The following CFAP299 variants were observed in gnomAD, a reference collection of about 807,000 sequenced individuals.
CFAP299 encodes cilia- and flagella-associated protein 299.
A neutral mutation model predicts 27.0 loss-of-function variants in CFAP299; 21 were observed. That is an observed-to-expected ratio of 0.78 (90% CI 0.55 to 1.12). The LOEUF is 1.12. Among genes scored for constraint, CFAP299 ranks in the 50% most tolerant of loss-of-function variants. The pLI is 0.00. For missense variants in CFAP299, 310 were observed against 276.6 expected (o/e 1.12, Z -0.86); for synonymous variants, 104 against 98.1 (o/e 1.06, Z -0.36).
chr4:80,555,618 A>G (rs1480393173), intron 2 of CFAP299, among the ~76,000 whole-genome samples: 3 of 152,138 alleles, frequency 2.0e-5, no homozygotes, highest in East Asian at 1.9e-4. Context: ...CTGTAAGTCC[A>G]TCAGTTCCTG....
At chr4:80,690,423 C>G (rs1455506748) in intron 3 of CFAP299, among the ~76,000 whole-genome samples, 2 of 152,160 alleles carry the variant, frequency 1.3e-5, no homozygotes, top group Non-Finnish European at 2.9e-5. Context: ...GGAAACTGAA[C>G]AACCTGCTCC....
intron 2 of CFAP299, among the ~76,000 whole-genome samples, chr4:80,459,531 C>T (rs772394756): frequency 6.6e-6 from 1 of 152,314 alleles, no homozygotes. Context: ...AACTTTCACT[C>T]CTGCTCTAAA....
At chr4:80,365,156 C>G (rs1412541629) in intron 2 of CFAP299, among the ~76,000 whole-genome samples, 1 of 152,090 alleles carries the variant, frequency 6.6e-6, no homozygotes, top group African/African-American at 2.4e-5. Flanking sequence ...CTATTTCTGT[C>G]TCTAGGTCTT....
chr4:80,924,538 GTATATATATA>G (rs1553906748), intron 4 of CFAP299, among the ~76,000 whole-genome samples: 1 of 131,666 alleles, frequency 7.6e-6, no homozygotes, highest in Admixed American at 7.4e-5. Flanking sequence ...GTGTGTGTGT[GTATATATATA>G]TATATATATA....
At chr4:80,361,583 T>A (rs1723550826) in intron 1 of CFAP299, among the ~76,000 whole-genome samples, 1 of 152,204 alleles carries the variant, frequency 6.6e-6, no homozygotes, top group Non-Finnish European at 1.5e-5. Flanking sequence ...CAAGGGAGTG[T>A]CTCAGAAACA....
intron 4 of CFAP299, among the ~76,000 whole-genome samples, chr4:80,942,037 A>T (rs1014488927): frequency 6.6e-6 from 1 of 152,114 alleles, no homozygotes; most frequent in Non-Finnish European, 1.5e-5. Flanking sequence ...CAAATTTATC[A>T]TCTTCATCCA....
intron 2 of CFAP299, among the ~76,000 whole-genome samples, chr4:80,423,878 G>A (rs780563344): frequency 6.6e-6 from 1 of 152,172 alleles, no homozygotes; most frequent in East Asian, 1.9e-4. Flanking sequence ...AGCTGTCTGT[G>A]TTCCAAGGGA....
At chr4:80,585,209 G>A (rs1163797026) in intron 3 of CFAP299, among the ~76,000 whole-genome samples, 2 of 151,996 alleles carry the variant, frequency 1.3e-5, no homozygotes, top group Admixed American at 6.6e-5. Context: ...AAGAAAGAGG[G>A]TAGTCTTTGG....
intron 3 of CFAP299, among the ~76,000 whole-genome samples, chr4:80,848,612 TAAA>T (rs1264077364): frequency 2.0e-5 from 3 of 151,782 alleles, no homozygotes; most frequent in Admixed American, 1.3e-4. Context: ...CTCCAAATAC[TAAA>T]ACTAAAAATA....
At chr4:80,643,374 A>T (rs1417973850) in intron 3 of CFAP299, among the ~76,000 whole-genome samples, 1 of 152,166 alleles carries the variant, frequency 6.6e-6, no homozygotes, top group Non-Finnish European at 1.5e-5. Flanking sequence ...AGAAGGAATG[A>T]ATATGGACAA....
At chr4:80,468,762 G>A (rs1160164104) in intron 2 of CFAP299, among the ~76,000 whole-genome samples, 2 of 149,378 alleles carry the variant, frequency 1.3e-5, no homozygotes, top group Non-Finnish European at 3.0e-5. Flanking sequence ...TTGAACCCAG[G>A]AGGCAGAGGT....
At chr4:80,324,141 C>T in the CFAP299 span, among the ~76,000 whole-genome samples, 1 of 152,166 alleles carries the variant, frequency 6.6e-6, no homozygotes, top group Non-Finnish European at 1.5e-5. Context: ...CCCCTTGCCC[C>T]CAACCCCTCG....
chr4:80,488,403 A>G (rs1323466895), intron 2 of CFAP299, among the ~76,000 whole-genome samples: 1 of 152,012 alleles, frequency 6.6e-6, no homozygotes, highest in Non-Finnish European at 1.5e-5. Context: ...ATTATTCAAT[A>G]TTTCATACTA....
At chr4:80,800,869 G>A (rs1249943852) in intron 3 of CFAP299, among the ~76,000 whole-genome samples, 1 of 148,270 alleles carries the variant, frequency 6.7e-6, no homozygotes, top group East Asian at 2.0e-4. Flanking sequence ...GAGAGCTGAG[G>A]AGCAAGGAGA....
chr4:80,688,201 G>A (rs1720363705), intron 3 of CFAP299, among the ~76,000 whole-genome samples: 3 of 152,212 alleles, frequency 2.0e-5, no homozygotes, highest in Admixed American at 1.3e-4. Flanking sequence ...GCTCAAGGAG[G>A]CCTGCCTGCC....
intron 3 of CFAP299, among the ~76,000 whole-genome samples, chr4:80,757,198 T>C (rs1725285028): frequency 6.6e-6 from 1 of 152,142 alleles, no homozygotes; most frequent in Non-Finnish European, 1.5e-5. Context: ...GCTCTCTTCA[T>C]TAATTCACAT....
intron 3 of CFAP299, among the ~76,000 whole-genome samples, chr4:80,662,810 G>T (rs1454844350): frequency 6.6e-6 from 1 of 152,122 alleles, no homozygotes; most frequent in East Asian, 1.9e-4. Context: ...CTGGTCAGGG[G>T]CCAGCACTTT....
At chr4:80,577,653 G>A (rs751055243) in intron 2 of CFAP299, among the ~76,000 whole-genome samples, 11 of 151,836 alleles carry the variant, frequency 7.2e-5, no homozygotes, top group Non-Finnish European at 1.3e-4. Context: ...TGCACACCTC[G>A]GCCTCGCAAA....
At chr4:80,901,138 C>T (rs917350747) in intron 4 of CFAP299, among the ~76,000 whole-genome samples, 4 of 152,054 alleles carry the variant, frequency 2.6e-5, no homozygotes, top group Non-Finnish European at 4.4e-5. Context: ...GCTGGACTCT[C>T]CCTAAGTGCA....
Sources: gnomAD v4.1 joint callset for allele counts (sites outside exome capture counted in the v4.1 genomes callset) on GRCh38, gnomAD v4.1.1 for gene constraint, MANE v1.5 for transcripts, NCBI Gene and HGNC (gene_info 2026-07-23, HGNC 2026-07-21) for gene names.